CREBRF: variants seen among roughly 807,000 people sequenced by gnomAD.
The protein encoded by CREBRF is UPF0474 protein C5orf41.
Under a neutral mutation model 66.1 loss-of-function variants are expected in CREBRF, and 5 were observed. The observed-to-expected ratio is 0.08, with a 90% CI of 0.04 to 0.16. CREBRF has a LOEUF of 0.16. Ranked by LOEUF, CREBRF falls within the 10% of genes least tolerant of loss-of-function variation. The probability of loss-of-function intolerance (pLI) is 1.00; values close to 1 mark genes in which losing one functional copy is unlikely to be tolerated. For synonymous variants in CREBRF, 229 were observed against 264.4 expected, an observed-to-expected ratio of 0.87 and a Z score of 1.30; for missense variants, 531 against 744.9, an observed-to-expected ratio of 0.71 and a Z score of 3.34.
intron 3 of CREBRF, among the ~76,000 whole-genome samples, chr5:173,087,625 G>A (rs1758199111): frequency 6.6e-6 from 1 of 151,168 alleles, no homozygotes; most frequent in South Asian, 2.1e-4. Flanking sequence ...GAACCAGGGA[G>A]TCAGAGGTTG....
At chr5:173,087,107 C>T (rs1361725039) in intron 3 of CREBRF, among the ~76,000 whole-genome samples, 4 of 152,028 alleles carry the variant, frequency 2.6e-5, no homozygotes, top group Non-Finnish European at 4.4e-5. Context: ...GCACCATGCC[C>T]AGCTAATTTT....
At position 173,064,559 on chromosome 5, in the gene CREBRF, ATTTTTTT is replaced by A. The variant is rs1217486982; in HGVS notation, c.-192+8098_-192+8104del. Among the ~76,000 whole-genome samples the A allele has an allele frequency of 7.6e-3, 821 of 107,656 alleles. 10 individuals carry two copies. The highest frequency in any genetic ancestry group is 0.027 in the African/African-American group (717 of 26,844). The allele number at this position is 107,656 out of a possible 152,430, so 70.6% of individuals were successfully genotyped here. On this transcript the variant is annotated intron_variant, in intron 1 of 8. Coordinates refer to ENST00000296953, the MANE Select transcript of CREBRF (RefSeq NM_153607.3). ...AGGTGCGCACCACCACACCTGGTTA[ATTTTTTT>A]TTTTTTTTTTTTTTTTTGAGACAGA... is the stretch of plus-strand genomic sequence containing the variant.
chr5:173,096,422 C>CTT (rs1474515766), intron 4 of CREBRF, among the ~76,000 whole-genome samples: 7 of 115,476 alleles, frequency 6.1e-5, no homozygotes, highest in African/African-American at 2.1e-4. Flanking sequence ...TTTCCCTTCC[C>CTT]TTCCCTTCCC....
intron 5 of CREBRF, chr5:173,109,037 A>G (rs886329847): frequency 4.1e-6 from 2 of 488,958 alleles, no homozygotes; most frequent in Admixed American, 7.9e-5. Flanking sequence ...AGGACTGTGT[A>G]AACATTATTT....
chr5:173,068,186 A>G (rs1052976729), intron 1 of CREBRF: 1 of 448,362 alleles, frequency 2.2e-6, no homozygotes, highest in South Asian at 1.6e-5. Context: ...TTGGAAGGAT[A>G]TTAAGAATAC....
chr5:173,087,624 A>G (rs1203177724), intron 3 of CREBRF, among the ~76,000 whole-genome samples: 1 of 149,796 alleles, frequency 6.7e-6, no homozygotes, highest in Non-Finnish European at 1.5e-5. Context: ...TGAACCAGGG[A>G]GTCAGAGGTT....
intron 1 of CREBRF, among the ~76,000 whole-genome samples, chr5:173,078,581 C>CG (rs1757840933): frequency 6.9e-6 from 1 of 144,588 alleles, no homozygotes; most frequent in Non-Finnish European, 1.5e-5. Context: ...TTTTTTGAGA[C>CG]GGGGTCTTGC....
chr5:173,091,643 CTTATT>C (rs1561805048), intron 4 of CREBRF: 1 of 1,190,614 alleles, frequency 8.4e-7, no homozygotes, highest in East Asian at 3.9e-5. Flanking sequence ...TATTTTATTT[CTTATT>C]TTTAAAATTA....
intron 1 of CREBRF, among the ~76,000 whole-genome samples, chr5:173,066,980 A>G (rs986362278): frequency 6.6e-6 from 1 of 151,468 alleles, no homozygotes; most frequent in African/African-American, 2.4e-5. Flanking sequence ...TGCCTGATTA[A>G]TTTTTGATTT....
At chr5:173,067,524 T>C (rs566985148) in intron 1 of CREBRF, among the ~76,000 whole-genome samples, 1 of 152,254 alleles carries the variant, frequency 6.6e-6, no homozygotes, top group African/African-American at 2.4e-5. Context: ...TCTAATTTTT[T>C]CCCCCAAAAG....
chr5:173,065,420 T>G (rs1230451253), intron 1 of CREBRF, among the ~76,000 whole-genome samples: 3 of 152,186 alleles, frequency 2.0e-5, no homozygotes, highest in African/African-American at 7.2e-5. Context: ...GTCTGTTCTA[T>G]GCTGTCAGGT....
rs967587467 is a variant in CREBRF, at chr5:173,113,195, G to A, written c.1681+816G>A. Among the ~76,000 whole-genome samples, 5 of 152,044 alleles carry A rather than the reference G, an allele frequency of 3.3e-5. No homozygotes were observed. In the South Asian group the frequency reaches 1.0e-3, roughly 32 times the overall value. The stretch of plus-strand genomic sequence containing the variant: ...TTTTCATAGAGGTGGAGTTTCTACT[G>A]TGTTGCCCAGGCTGGTCCCAATTTT... On this transcript the variant is annotated intron_variant, in intron 7 of 8. Coordinates refer to ENST00000296953, the MANE Select transcript of CREBRF (RefSeq NM_153607.3).
intron 4 of CREBRF, among the ~76,000 whole-genome samples, chr5:173,100,345 A>C (rs1758597789): frequency 1.3e-5 from 2 of 151,606 alleles, no homozygotes; most frequent in African/African-American, 4.8e-5. Context: ...AGTGTTTTGC[A>C]TACCACTGTT....
intron 1 of CREBRF, among the ~76,000 whole-genome samples, chr5:173,069,800 C>G (rs1201947467): frequency 6.6e-6 from 1 of 152,034 alleles, no homozygotes; most frequent in African/African-American, 2.4e-5. Flanking sequence ...GTAGTTTATG[C>G]TGGTGGTATA....
rs942760323 is a variant in CREBRF at position 173,086,189 on chromosome 5, A to G, written c.10-312A>G. 1.9e-4 allele frequency: 146 copies of G among 770,344 alleles called. 1 individual carries two copies. The highest frequency in any genetic ancestry group is 3.1e-4 in the Non-Finnish European group (128 of 414,322). 47.7% of individuals were successfully genotyped at this position (770,344 alleles called of 1,614,324 possible). On this transcript the variant is annotated intron_variant, in intron 2 of 8. Coordinates refer to ENST00000296953, the MANE Select transcript of CREBRF (RefSeq NM_153607.3). ...TGCCAACAGCACCATCACCCACAAC[A>G]TATTTAATTGTCTGCATTGCTGAAA... is the stretch of plus-strand genomic sequence containing the variant.
chr5:173,070,147 C>A (rs2113678016), intron 1 of CREBRF, among the ~76,000 whole-genome samples: 1 of 152,188 alleles, frequency 6.6e-6, no homozygotes, highest in Non-Finnish European at 1.5e-5. Flanking sequence ...TCTACCTTGG[C>A]CTCCCAAAGT....
chr5:173,094,157 C>T (rs1391020249), intron 4 of CREBRF, among the ~76,000 whole-genome samples: 1 of 152,046 alleles, frequency 6.6e-6, no homozygotes, highest in East Asian at 1.9e-4. Context: ...GTGCGTATAA[C>T]TCTCACATTT....
chr5:173,057,788 C>G (rs1757119399), intron 1 of CREBRF: 1 of 150,044 alleles, frequency 6.7e-6, no homozygotes. Context: ...AAAAGCCGAG[C>G]AAGTTGAGGG....
chr5:173,091,499 T>G, intron 4 of CREBRF, 98 bp downstream of exon 4: 12 of 1,511,076 alleles, frequency 7.9e-6, no homozygotes, highest in Non-Finnish European at 1.1e-5. Context: ...ATTTCTTTAT[T>G]TTAGTTTGGG....
Sources: allele counts gnomAD v4.1 joint callset (sites outside exome capture counted in the v4.1 genomes callset), GRCh38; gene constraint gnomAD v4.1.1; transcripts MANE v1.5; gene names NCBI Gene and HGNC (gene_info 2026-07-23, HGNC 2026-07-21).